Variants in DERA observed in about 807,000 individuals in gnomAD.
DERA encodes deoxyribose-phosphate aldolase, also known as 2-deoxy-D-ribose 5-phosphate aldolase.
In DERA, 15 loss-of-function variants were observed where a neutral mutation model predicts 41.1. The ratio of observed to expected loss-of-function variants is 0.37; its 90% confidence interval spans 0.24 to 0.56. The LOEUF (loss-of-function observed/expected upper bound fraction) is 0.56. Ranked by LOEUF, DERA falls within the 20% of genes least tolerant of loss-of-function variation. The probability of loss-of-function intolerance (pLI) is 0.81; values close to 1 mark genes in which losing one functional copy is unlikely to be tolerated. For missense variants in DERA, 396 were observed against 403.4 expected, an observed-to-expected ratio of 0.98 and a Z score of 0.16; for synonymous variants, 139 against 137.4, an observed-to-expected ratio of 1.01 and a Z score of -0.08.
Position 15,970,591 on chromosome 12 carries a change from T to C in DERA, c.508+7644T>C, listed in dbSNP as rs1948653059. Among the ~76,000 whole-genome samples, 1 of 152,146 alleles carries C rather than the reference T, an allele frequency of 6.6e-6. No individual in the cohort carries two copies. The highest frequency in any genetic ancestry group is 1.5e-5 in the Non-Finnish European group (1 of 68,018). On this transcript the variant is annotated intron_variant, in intron 5 of 8. Coordinates refer to ENST00000428559, the MANE Select transcript of DERA (RefSeq NM_015954.4). This position sits in a 1 kb window ranked among gnomAD's most constrained non-coding sequence, Gnocchi z 4.3. ...TGAGGGTTTTTAAATTTTCATTTCT[T>C]TTTTTAAAATACACCATTCTATTTT...
At position 15,923,813 on chromosome 12, in the gene DERA, G is replaced by A. The variant is rs546960876; in HGVS notation, c.31+12399G>A. On this transcript the variant is annotated intron_variant, in intron 1 of 8. Transcript: ENST00000428559. Reference sequence around the variant, plus strand: ...GAATCACAATGGTGGCTTCATAGCTGGTTTCTTTACCTCTGGGCTTTCTCA... The same window carrying A: ...GAATCACAATGGTGGCTTCATAGCTAGTTTCTTTACCTCTGGGCTTTCTCA... Among the ~76,000 whole-genome samples, 12 of 150,960 alleles carry A rather than the reference G, an allele frequency of 7.9e-5. No homozygotes were observed. In the South Asian group the frequency reaches 1.9e-3, roughly 24 times the overall value.
At chr12:16,027,988 AT>A (rs1342291803) in intron 6 of DERA, among the ~76,000 whole-genome samples, 1 of 152,192 alleles carries the variant, frequency 6.6e-6, no homozygotes, top group East Asian at 1.9e-4. Flanking sequence ...GTATCCATGG[AT>A]TCCATATATT....
In DERA at chr12:15,913,136, CAT is replaced by C. The variant is rs1028770193; in HGVS notation, c.31+1724_31+1725del. ...CATTTTAAATTTTTCTTTCAAAAAACATAATTGAACCATTTTTAAATTTATTT... is the reference window on the plus strand; with the variant it reads ...CATTTTAAATTTTTCTTTCAAAAAACAATTGAACCATTTTTAAATTTATTT... On this transcript the variant is annotated intron_variant, in intron 1 of 8. Coordinates refer to ENST00000428559, the MANE Select transcript of DERA (RefSeq NM_015954.4). This position sits in a 1 kb window ranked among gnomAD's most constrained non-coding sequence, Gnocchi z 4.5. Among the ~76,000 whole-genome samples the C allele has an allele frequency of 6.6e-6, 1 of 152,146 alleles. No individual in the cohort carries two copies. Among genetic ancestry groups the C allele is most frequent in the African/African-American group, 2.4e-5 (1 of 41,420 alleles).
intron 6 of DERA, among the ~76,000 whole-genome samples, chr12:15,986,679 A>G (rs1948766360): frequency 1.3e-5 from 2 of 151,772 alleles, no homozygotes; most frequent in Admixed American, 1.3e-4. Context: ...TACTACAATG[A>G]TACGAATTTT....
At position 15,957,092 on chromosome 12, in the gene DERA, CA is replaced by C; in HGVS notation, c.129+61del. 7.8e-7 allele frequency: 1 copy of C among 1,283,114 alleles called. No individual in the cohort carries two copies. Among genetic ancestry groups the C allele is most frequent in the Non-Finnish European group, 1.1e-6 (1 of 885,780 alleles). The allele number at this position is 1,283,114 out of a possible 1,614,324, so 79.5% of individuals were successfully genotyped here. ...TTTTACAATGCATGGTCTCTTCCCT[CA>C]AGGCCACAATATTGAATTTCACTCA... On this transcript the variant is annotated intron_variant, in intron 2 of 8. Coordinates refer to ENST00000428559, the MANE Select transcript of DERA (RefSeq NM_015954.4). This position sits in a 1 kb window ranked among gnomAD's most constrained non-coding sequence, Gnocchi z 4.8.
chr12:15,998,429 C>T lies in DERA; in HGVS notation c.637+15993C>T, dbSNP rs11833753. Among the ~76,000 whole-genome samples the T allele has an allele frequency of 0.065, 9,879 of 152,016 alleles. 1,025 individuals are homozygous for T. The highest frequency in any genetic ancestry group is 0.22 in the African/African-American group (9,090 of 41,356). On this transcript the variant is annotated intron_variant, in intron 6 of 8. Coordinates refer to ENST00000428559, the MANE Select transcript of DERA (RefSeq NM_015954.4). The surrounding 1 kb of genome is among the most constrained non-coding windows in gnomAD (Gnocchi z 4.8). The stretch of plus-strand genomic sequence containing the variant: ...GCCTTCCGGGTTCAAGCAGTTCTCC[C>T]GCCTCAGCCTCCCGAGTAGCTGAGA...
Position 16,026,929 on chromosome 12 carries a change from G to A in DERA, c.638-5613G>A, listed in dbSNP as rs1565618252. 2.0e-5 allele frequency among the ~76,000 whole-genome samples: 3 copies of A among 152,052 alleles called. No homozygotes were observed. The highest frequency in any genetic ancestry group is 7.2e-5 in the African/African-American group (3 of 41,386). On this transcript the variant is annotated intron_variant, in intron 6 of 8. Transcript: ENST00000428559. This position sits in a 1 kb window ranked among gnomAD's most constrained non-coding sequence, Gnocchi z 4.4. ...CCTTAACAAAATATTAGCAAAATGA[G>A]TCCAACAATGTATAAAACTAATTAT...
In DERA at chr12:15,954,877, C is replaced by A. The variant is rs1774259433; in HGVS notation, c.32-2059C>A. ...AGTAATAGGCCTACCTCTTTTTGATCACGGTCAACAATTAGTTGGCAGTGA... is the reference window on the plus strand; with the variant it reads ...AGTAATAGGCCTACCTCTTTTTGATAACGGTCAACAATTAGTTGGCAGTGA... On this transcript the variant is annotated intron_variant, in intron 1 of 8. Transcript: ENST00000428559. This position sits in a 1 kb window ranked among gnomAD's most constrained non-coding sequence, Gnocchi z 4.0. 6.6e-6 allele frequency among the ~76,000 whole-genome samples: 1 copy of A among 152,072 alleles called. No individual in the cohort carries two copies. Among genetic ancestry groups the A allele is most frequent in the Non-Finnish European group, 1.5e-5 (1 of 68,014 alleles).
intron 1 of DERA, among the ~76,000 whole-genome samples, chr12:15,920,157 A>T (rs1427596463): frequency 6.6e-6 from 1 of 152,180 alleles, no homozygotes; most frequent in African/African-American, 2.4e-5. Flanking sequence ...TTGAATAAAC[A>T]TTACCTCTTA....
At chr12:16,005,449 A>G (rs1948902716) in intron 6 of DERA, among the ~76,000 whole-genome samples, 1 of 152,148 alleles carries the variant, frequency 6.6e-6, no homozygotes, top group African/African-American at 2.4e-5. Flanking sequence ...AAAAAAAATT[A>G]AAAAGCTTAT....
In DERA at chr12:15,911,520, G is replaced by A; in HGVS notation, c.31+106G>A. ...AGTGCCCTGGCTGTGGGTCCCCGAG[G>A]GGTTTTCGCTGGGGCGGGAAGCAGT... is the stretch of plus-strand genomic sequence containing the variant. On this transcript the variant is annotated intron_variant, in intron 1 of 8. Coordinates refer to ENST00000428559, the MANE Select transcript of DERA (RefSeq NM_015954.4). The surrounding 1 kb of genome is among the most constrained non-coding windows in gnomAD (Gnocchi z 4.5). 25 of 1,182,110 alleles carry A rather than the reference G, an allele frequency of 2.1e-5. No homozygotes were observed. Among genetic ancestry groups the A allele is most frequent in the Non-Finnish European group, 2.9e-5 (25 of 867,880 alleles). The allele number at this position is 1,182,110 out of a possible 1,614,324, so 73.2% of individuals were successfully genotyped here. A position where few individuals can be genotyped will look rare whatever the true frequency, so the allele number is the denominator to read the frequency against.
chr12:16,026,314 GAA>G lies in DERA; in HGVS notation c.638-6225_638-6224del, dbSNP rs1949052974. 1.3e-5 allele frequency among the ~76,000 whole-genome samples: 2 copies of G among 150,698 alleles called. No individual in the cohort carries two copies. Among genetic ancestry groups the G allele is most frequent in the South Asian group, 2.1e-4 (1 of 4,814 alleles). ...AGCTAGGCTAATCAAGAATAAAAGA[GAA>G]AAGACATAAATTACCCATATCGGAA... is the stretch of plus-strand genomic sequence containing the variant. On this transcript the variant is annotated intron_variant, in intron 6 of 8. Transcript: ENST00000428559. This position sits in a 1 kb window ranked among gnomAD's most constrained non-coding sequence, Gnocchi z 4.4.
chr12:16,002,142 T>A (rs1011944758), intron 6 of DERA, among the ~76,000 whole-genome samples: 18 of 122,282 alleles, frequency 1.5e-4, no homozygotes, highest in South Asian at 6.6e-4. Context: ...CCCTCCCCCT[T>A]CCCCACAACA....
chr12:16,001,627 A>G lies in DERA; in HGVS notation c.637+19191A>G, dbSNP rs1168232585. On this transcript the variant is annotated intron_variant, in intron 6 of 8. Transcript: ENST00000428559. The surrounding 1 kb of genome is among the most constrained non-coding windows in gnomAD (Gnocchi z 4.1). ...ATTTCTGGAGGATCTGCCTGAGTTT[A>G]TATCCTTTAGATAGTAGTAACAGGC... Among the ~76,000 whole-genome samples, 1 of 152,202 alleles carries G rather than the reference A, an allele frequency of 6.6e-6. No individual in the cohort carries two copies. The highest frequency in any genetic ancestry group is 2.4e-5 in the African/African-American group (1 of 41,454).
At chr12:15,925,115 G>A (rs1948272389) in intron 1 of DERA, among the ~76,000 whole-genome samples, 1 of 152,066 alleles carries the variant, frequency 6.6e-6, no homozygotes, top group Non-Finnish European at 1.5e-5. Context: ...TGGGTCATTT[G>A]GCCCCATTCC....
chr12:16,003,569 C>G lies in DERA; in HGVS notation c.637+21133C>G, dbSNP rs972992259. Among the ~76,000 whole-genome samples the G allele has an allele frequency of 2.0e-5, 3 of 152,064 alleles. No homozygotes were observed. The highest frequency in any genetic ancestry group is 4.4e-5 in the Non-Finnish European group (3 of 68,016). ...GGGGTTAGGGTTTGGGTTAGAGAAG[C>G]CTACTACTGTAGGCTAGATGCCAAC... On this transcript the variant is annotated intron_variant, in intron 6 of 8. Transcript: ENST00000428559. This position sits in a 1 kb window ranked among gnomAD's most constrained non-coding sequence, Gnocchi z 4.8.
At chr12:15,960,413 G>A (rs1228689721) in intron 4 of DERA, among the ~76,000 whole-genome samples, 1 of 151,344 alleles carries the variant, frequency 6.6e-6, no homozygotes, top group African/African-American at 2.4e-5. Context: ...CGAAGCAGGT[G>A]GATCACTTGA....
chr12:15,911,442 C>T lies in DERA; in HGVS notation c.31+28C>T, dbSNP rs1411409942. Reference sequence around the variant, plus strand: ...AAGGGGCCCGCGGGGCTCCCCATCCCCTCTCCCTCGCGTTCAGCGCCGCCG... The same window carrying T: ...AAGGGGCCCGCGGGGCTCCCCATCCTCTCTCCCTCGCGTTCAGCGCCGCCG... On this transcript the variant is annotated intron_variant, in intron 1 of 8. Transcript: ENST00000428559. This position sits in a 1 kb window ranked among gnomAD's most constrained non-coding sequence, Gnocchi z 4.5. The T allele has an allele frequency of 2.1e-6, 3 of 1,411,992 alleles. No homozygotes were observed. The highest frequency in any genetic ancestry group is 2.8e-6 in the Non-Finnish European group (3 of 1,090,846). 87.5% of individuals were successfully genotyped at this position (1,411,992 alleles called of 1,614,324 possible).
At position 15,982,418 on chromosome 12, in the gene DERA, A is replaced by T; in HGVS notation, c.619A>T (p.Met207Leu). 3 of 1,608,226 alleles carry T rather than the reference A, an allele frequency of 1.9e-6. No homozygotes were observed. The highest frequency in any genetic ancestry group is 2.5e-6 in the Non-Finnish European group (3 of 1,178,580). The change falls in exon 6 of 9, where the codon ATG becomes TTG. Residue 207 changes from methionine to leucine, a missense_variant. Physicochemically the swap from Met to Leu is conservative, Grantham distance 15 (BLOSUM62 2). Coordinates refer to ENST00000428559, the MANE Select transcript of DERA (RefSeq NM_015954.4). This position sits in a 1 kb window ranked among gnomAD's most constrained non-coding sequence, Gnocchi z 4.0. ...GTLTNVYKAS[M>L]IAMMAGSDFI... ...TCTTACTAATGTCTATAAAGCCAGT[A>T]TGATAGCAATGATGGCAGGTAAGTG...
Sources: gnomAD v4.1 joint callset for allele counts (sites outside exome capture counted in the v4.1 genomes callset) on GRCh38, gnomAD v4.1.1 for gene constraint, Gnocchi (gnomAD v3.1) non-coding constraint, MANE v1.5 for transcripts, NCBI Gene and HGNC (gene_info 2026-07-23, HGNC 2026-07-21) for gene names.